DNAH12: variants seen among roughly 807,000 people sequenced by gnomAD.
DNAH12 encodes axonemal beta dynein heavy chain 12.
DNAH12 carries 285 observed loss-of-function variants against 371.5 expected under a neutral mutation model. The ratio of observed to expected loss-of-function variants is 0.77; its 90% confidence interval spans 0.70 to 0.85. The LOEUF is 0.85. Ranked by LOEUF, DNAH12 falls within the 40% of genes least tolerant of loss-of-function variation. DNAH12 has a pLI of 0.00. For synonymous variants in DNAH12, 1,200 were observed against 1,213.0 expected (o/e 0.99, Z 0.22); for missense variants, 3,611 against 3,689.4 (o/e 0.98, Z 0.55).
At chr3:57,467,361 A>C (rs1359886551) in intron 17 of DNAH12, among the ~76,000 whole-genome samples, 1 of 152,144 alleles carries the variant, frequency 6.6e-6, no homozygotes, top group Non-Finnish European at 1.5e-5. Context: ...AGATCAGGTG[A>C]TCTGCCTGCC....
chr3:57,369,659 A>G (rs1437114419), intron 55 of DNAH12, among the ~76,000 whole-genome samples: 1 of 152,204 alleles, frequency 6.6e-6, no homozygotes, highest in Non-Finnish European at 1.5e-5. Flanking sequence ...GAAAGCAAAC[A>G]ATAAAGTTAT....
Position 57,328,814 on chromosome 3 carries a change from A to G in DNAH12, c.9979-5195T>C, listed in dbSNP as rs1575459501. Among the ~76,000 whole-genome samples, 4 of 130,288 alleles carry G rather than the reference A, an allele frequency of 3.1e-5. No homozygotes were observed. In the East Asian group the frequency reaches 9.8e-4, roughly 32 times the overall value. 85.5% of individuals were successfully genotyped at this position (130,288 alleles called of 152,430 possible). On this transcript the variant is annotated intron_variant, in intron 62 of 73. Coordinates refer to ENST00000495027, the MANE Select transcript of DNAH12 (RefSeq NM_001366028.2). ...CATGATTATATATCTAGAAAACCCC[A>G]TTGTCTCAGCCCAAAATCTCCTTAA...
At chr3:57,404,633 T>C (rs1378017158) in intron 42 of DNAH12, among the ~76,000 whole-genome samples, 1 of 152,014 alleles carries the variant, frequency 6.6e-6, no homozygotes, top group Non-Finnish European at 1.5e-5. Flanking sequence ...GGCAGGAGAA[T>C]GGCTTGAACC....
intron 59 of DNAH12, among the ~76,000 whole-genome samples, chr3:57,356,594 T>C (rs1003442609): frequency 3.9e-5 from 6 of 151,944 alleles, no homozygotes; most frequent in Admixed American, 2.0e-4. Flanking sequence ...GCCTGCCTCA[T>C]TGAAATATTT....
At chr3:57,420,121 G>A (rs907412657) in intron 36 of DNAH12, among the ~76,000 whole-genome samples, 1 of 152,164 alleles carries the variant, frequency 6.6e-6, no homozygotes, top group Non-Finnish European at 1.5e-5. Flanking sequence ...TTATGATACT[G>A]AAATTCTTCT....
chr3:57,299,699 G>T (rs547505), intron 70 of DNAH12, among the ~76,000 whole-genome samples: 56,317 of 151,886 alleles, frequency 0.37, 12,622 homozygotes, highest in East Asian at 0.92. Context: ...AAACAGAAGA[G>T]ACATTTTTCT....
intron 58 of DNAH12, 140 bp from the exon 59 acceptor site, chr3:57,357,488 G>T (rs2062827109): frequency 6.6e-6 from 1 of 151,912 alleles, no homozygotes; most frequent in Admixed American, 6.6e-5. Context: ...TACAAGAGAG[G>T]GCTTTATCAT....
chr3:57,396,304 A>AAAAAAAAAAACAAAAAAAAAAAAAAAAC, intron 43 of DNAH12, among the ~76,000 whole-genome samples: 1 of 141,958 alleles, frequency 7.0e-6, no homozygotes, highest in Admixed American at 7.2e-5. Context: ...AAAAAAAAAA[A>AAAAAAAAAAACAAAAAAAAAAAAAAAAC]AAAAAAGAGA....
At chr3:57,468,453 T>C (rs1296810244) in intron 17 of DNAH12, among the ~76,000 whole-genome samples, 1 of 151,658 alleles carries the variant, frequency 6.6e-6, no homozygotes, top group African/African-American at 2.4e-5. Context: ...CAAAACCCCA[T>C]CTCTTCAAAA....
At chr3:57,462,057 C>T (rs1318248755) in intron 18 of DNAH12, among the ~76,000 whole-genome samples, 1 of 152,138 alleles carries the variant, frequency 6.6e-6, no homozygotes, top group Non-Finnish European at 1.5e-5. Flanking sequence ...CATACTTACC[C>T]TGCTAGAACA....
At chr3:57,357,941 C>A (rs1217751162) in intron 58 of DNAH12, among the ~76,000 whole-genome samples, 9 of 152,178 alleles carry the variant, frequency 5.9e-5, no homozygotes, top group Non-Finnish European at 1.3e-4. Flanking sequence ...CTTAACAGGG[C>A]TGTAGATATT....
At chr3:57,547,298 T>G (rs1401067598), upstream of DNAH12, among the ~76,000 whole-genome samples, 1 of 151,886 alleles carries the variant, frequency 6.6e-6, no homozygotes, top group Non-Finnish European at 1.5e-5. Flanking sequence ...ACTGATACAA[T>G]GTACGTCCTT....
chr3:57,469,615 T>C (rs1410555422), intron 16 of DNAH12, among the ~76,000 whole-genome samples: 1 of 152,112 alleles, frequency 6.6e-6, no homozygotes, highest in African/African-American at 2.4e-5. Context: ...ATAAAAAAAA[T>C]TTGGTACATA....
At chr3:57,321,000 G>A (rs7642234) in intron 65 of DNAH12, among the ~76,000 whole-genome samples, 54,522 of 152,040 alleles carry the variant, frequency 0.36, 10,732 homozygotes, top group African/African-American at 0.51. Flanking sequence ...TACGGTGCCA[G>A]CGTAGCTTGC....
Position 57,524,959 on chromosome 3 carries a change from G to A in DNAH12, c.171-1075C>T, listed in dbSNP as rs183149569. On this transcript the variant is annotated intron_variant, in intron 2 of 73. Transcript: ENST00000495027. ...GAGTAATCGAGAGGTTTTGAGCATGGAAACATATTTAGGAAGACAAATCTA... is the reference window on the plus strand; with the variant it reads ...GAGTAATCGAGAGGTTTTGAGCATGAAAACATATTTAGGAAGACAAATCTA... Among the ~76,000 whole-genome samples, 415 of 152,152 alleles carry A rather than the reference G, an allele frequency of 2.7e-3. 2 individuals are homozygous for A. Among genetic ancestry groups the A allele is most frequent in the African/African-American group, 9.6e-3 (397 of 41,504 alleles).
At chr3:57,522,791 C>T (rs949244929) in intron 4 of DNAH12, among the ~76,000 whole-genome samples, 3 of 151,926 alleles carry the variant, frequency 2.0e-5, no homozygotes, top group African/African-American at 7.3e-5. Context: ...TTTTGTCTTT[C>T]CACCAATCAT....
intron 13 of DNAH12, among the ~76,000 whole-genome samples, chr3:57,481,601 C>T (rs2066744106): frequency 6.6e-6 from 1 of 152,246 alleles, no homozygotes; most frequent in South Asian, 2.1e-4. Context: ...AAAAAAGAGC[C>T]TGCATTGCCA....
Position 57,518,012 on chromosome 3 carries a change from C to T in DNAH12, c.279+5571G>A, listed in dbSNP as rs372570014. Among the ~76,000 whole-genome samples the T allele has an allele frequency of 1.6e-3, 240 of 152,256 alleles. 12 individuals are homozygous for T. In the South Asian group the frequency reaches 0.048, roughly 30 times the overall value. ...GATGTTGCAGTAAGCCAAGATCACT[C>T]CCCTGCACACCAGCCTGGGTGACAG... On this transcript the variant is annotated intron_variant, in intron 4 of 73. Coordinates refer to ENST00000495027, the MANE Select transcript of DNAH12 (RefSeq NM_001366028.2).
chr3:57,506,393 G>T (rs2067759843), intron 8 of DNAH12, among the ~76,000 whole-genome samples: 1 of 151,918 alleles, frequency 6.6e-6, no homozygotes, highest in African/African-American at 2.4e-5. Flanking sequence ...ACAAATCAGG[G>T]TAATTATCTT....
Sources: gnomAD v4.1 joint callset for allele counts (sites outside exome capture counted in the v4.1 genomes callset) on GRCh38, gnomAD v4.1.1 for gene constraint, MANE v1.5 for transcripts, NCBI Gene and HGNC (gene_info 2026-07-23, HGNC 2026-07-21) for gene names.